The following PCDH11X variants were observed in gnomAD, a reference collection of about 807,000 sequenced individuals.
PCDH11X encodes the protein protocadherin 11 X-linked, also known as protocadherin-11 X-linked.
A neutral mutation model predicts 53.3 loss-of-function variants in PCDH11X; 18 were observed. The observed-to-expected ratio is 0.34, with a 90% CI of 0.23 to 0.50. The LOEUF (loss-of-function observed/expected upper bound fraction) is 0.50, where lower values mean the gene tolerates loss of function less well. Among genes scored for constraint, PCDH11X ranks in the 20% least tolerant of loss-of-function variants. The probability of loss-of-function intolerance (pLI) is 0.98; values close to 1 mark genes in which losing one functional copy is unlikely to be tolerated. For missense variants in PCDH11X, 570 were observed against 1,032.4 expected, an observed-to-expected ratio of 0.55 and a Z score of 6.14; for synonymous variants, 279 against 393.3, an observed-to-expected ratio of 0.71 and a Z score of 3.44.
intron 4 of PCDH11X, among the ~76,000 whole-genome samples, chrX:91,821,873 T>A (rs1436070179): frequency 2.0e-5 from 2 of 97,771 alleles, no homozygotes; most frequent in Non-Finnish European, 3.9e-5. Context: ...ATTGAGAGTT[T>A]TTAGCATGAA....
intron 9 of PCDH11X, among the ~76,000 whole-genome samples, chrX:92,435,165 C>A (rs1233452185): frequency 9.1e-6 from 1 of 110,151 alleles, no homozygotes; most frequent in Non-Finnish European, 1.9e-5. Context: ...GCAGAATAGA[C>A]CAAGATGAGG....
chrX:92,045,625 T>C (rs966151730), intron 6 of PCDH11X, among the ~76,000 whole-genome samples: 6 of 103,760 alleles, frequency 5.8e-5, no homozygotes, highest in Non-Finnish European at 1.2e-4. Flanking sequence ...ACATTTACAA[T>C]TTTGGGGATT....
At chrX:92,076,845 A>C (rs760087927) in intron 6 of PCDH11X, among the ~76,000 whole-genome samples, 1 of 112,327 alleles carries the variant, frequency 8.9e-6, no homozygotes, top group South Asian at 3.6e-4. Context: ...AATACATAAA[A>C]AATCTTTGAG....
intron 6 of PCDH11X, among the ~76,000 whole-genome samples, chrX:92,067,958 C>T (rs995718729): frequency 9.1e-6 from 1 of 110,418 alleles, no homozygotes; most frequent in Non-Finnish European, 1.9e-5. Context: ...TGTAGTTGCT[C>T]ACAGTAACCA....
intron 8 of PCDH11X, among the ~76,000 whole-genome samples, chrX:92,308,986 A>G (rs999106114): frequency 9.0e-6 from 1 of 110,949 alleles, no homozygotes; most frequent in Non-Finnish European, 1.9e-5. Context: ...AAAAGGAAAT[A>G]CCAAGTGTTG....
At chrX:92,319,294 G>T (rs1045925171) in intron 8 of PCDH11X, among the ~76,000 whole-genome samples, 29 of 111,820 alleles carry the variant, frequency 2.6e-4, no homozygotes, top group African/African-American at 8.8e-4. Context: ...TGTGTCCACA[G>T]TATATGTCTT....
chrX:92,540,483 G>A (rs1304995845), intron 10 of PCDH11X, among the ~76,000 whole-genome samples: 1 of 105,799 alleles, frequency 9.5e-6, no homozygotes, highest in Admixed American at 1.0e-4. Flanking sequence ...CCTAAAGCAC[G>A]TCCAGAATTG....
At chrX:92,016,749 G>T (rs185133315) in intron 6 of PCDH11X, among the ~76,000 whole-genome samples, 1,578 of 111,772 alleles carry the variant, frequency 0.014, 21 homozygotes, top group African/African-American at 0.048. Flanking sequence ...CCATAAGGCA[G>T]TTTCACTTTC....
chrX:92,442,514 C>G (rs2072537519), intron 9 of PCDH11X, among the ~76,000 whole-genome samples: 1 of 111,934 alleles, frequency 8.9e-6, no homozygotes, highest in African/African-American at 3.3e-5. Flanking sequence ...CCTTTGCCTG[C>G]TGCCATCCAC....
At chrX:92,417,431 T>A (rs1325608066) in intron 9 of PCDH11X, among the ~76,000 whole-genome samples, 3 of 110,647 alleles carry the variant, frequency 2.7e-5, no homozygotes, top group Non-Finnish European at 5.7e-5. Flanking sequence ...ACAGTTGACA[T>A]GGAAGCCAAA....
chrX:91,821,291 C>A (rs1426506137), intron 4 of PCDH11X, among the ~76,000 whole-genome samples: 1 of 109,413 alleles, frequency 9.1e-6, no homozygotes, highest in Non-Finnish European at 1.9e-5. Context: ...GATATTGATT[C>A]TTCCTACCCA....
chrX:91,875,518 C>T (rs1253537825), intron 5 of PCDH11X, among the ~76,000 whole-genome samples: 2 of 108,283 alleles, frequency 1.8e-5, no homozygotes, highest in South Asian at 4.0e-4. Context: ...GTCTCGATCT[C>T]CTGACCTCGT....
chrX:91,883,476 C>T lies in PCDH11X; in HGVS notation c.3033+4203C>T, dbSNP rs559602630. 6.6e-4 allele frequency: 495 copies of T among 752,438 alleles called. 4 individuals carry two copies. The South Asian group carries it at 0.028, about 42-fold the overall frequency. 62.0% of individuals were successfully genotyped at this position (752,438 alleles called of 1,213,427 possible). ...GAAAATATTCACTAACATAATATTG[C>T]TGAGAAAATCATTTTTATTACCCAC... is the stretch of plus-strand genomic sequence containing the variant. On this transcript the variant is annotated intron_variant, in intron 6 of 10. Transcript: ENST00000682573.
rs1361567603 is a variant in PCDH11X, at chrX:92,046,337, C to CA, written c.3034-155035dup. ...AGGTTTTATTTCTCATCAGACCTTT[C>CA]AAATTGGTAATAGACTGTCTATGAA... On this transcript the variant is annotated intron_variant, in intron 6 of 10. Coordinates refer to ENST00000682573, the MANE Select transcript of PCDH11X (RefSeq NM_032968.5). 2.7e-5 allele frequency among the ~76,000 whole-genome samples: 3 copies of CA among 111,389 alleles called. No individual in the cohort carries two copies. The Admixed American group carries it at 2.9e-4, about 11-fold the overall frequency.
At chrX:92,301,649 T>G (rs1439100112) in intron 8 of PCDH11X, among the ~76,000 whole-genome samples, 1 of 101,014 alleles carries the variant, frequency 9.9e-6, no homozygotes, top group African/African-American at 3.9e-5. Flanking sequence ...TTTTTGTTTT[T>G]TGTTTTGTTT....
intron 10 of PCDH11X, among the ~76,000 whole-genome samples, chrX:92,549,519 A>G (rs1166594194): frequency 9.2e-6 from 1 of 109,270 alleles, no homozygotes; most frequent in African/African-American, 3.3e-5. Context: ...AATGATGAAC[A>G]TTTTCAAATT....
chrX:92,306,020 C>T (rs59718756), intron 8 of PCDH11X, among the ~76,000 whole-genome samples: 2,429 of 109,869 alleles, frequency 0.022, 60 homozygotes, highest in African/African-American at 0.077. Flanking sequence ...CATATGACAG[C>T]CATAAAACAA....
chrX:91,859,040 A>C (rs1182956415), intron 5 of PCDH11X, among the ~76,000 whole-genome samples: 3 of 107,882 alleles, frequency 2.8e-5, no homozygotes, highest in Non-Finnish European at 5.8e-5. Flanking sequence ...GAGACTGGGT[A>C]ATTTATAAAG....
chrX:92,442,600 T>C (rs752544768), intron 9 of PCDH11X, among the ~76,000 whole-genome samples: 144 of 109,551 alleles, frequency 1.3e-3, no homozygotes, highest in Admixed American at 5.7e-3. Context: ...ATTTCTTTCT[T>C]TTGTAAGTTG....
Sources: allele counts gnomAD v4.1 joint callset (sites outside exome capture counted in the v4.1 genomes callset), GRCh38; gene constraint gnomAD v4.1.1; transcripts MANE v1.5; gene names NCBI Gene and HGNC (gene_info 2026-07-23, HGNC 2026-07-21).